MACROD2: variants seen among roughly 807,000 people sequenced by gnomAD.
MACROD2 encodes the protein mono-ADP ribosylhydrolase 2, also known as ADP-ribose glycohydrolase MACROD2.
MACROD2 carries 36 observed loss-of-function variants against 70.4 expected under a neutral mutation model. That is an observed-to-expected ratio of 0.51 (90% CI 0.39 to 0.68). MACROD2 has a LOEUF of 0.68. Among genes scored for constraint, MACROD2 ranks in the 30% least tolerant of loss-of-function variants. MACROD2 has a pLI of 0.00. For synonymous variants in MACROD2, 172 were observed against 178.8 expected (o/e 0.96, Z 0.30); for missense variants, 496 against 538.4 (o/e 0.92, Z 0.78).
At chr20:15,859,915 CA>C (rs977371970) in intron 8 of MACROD2, among the ~76,000 whole-genome samples, 40 of 152,208 alleles carry the variant, frequency 2.6e-4, no homozygotes, top group African/African-American at 8.7e-4. Flanking sequence ...GCAGGCAGAT[CA>C]CGAGGTCAGG....
At chr20:15,490,678 A>G (rs2047220861) in intron 7 of MACROD2, among the ~76,000 whole-genome samples, 1 of 152,166 alleles carries the variant, frequency 6.6e-6, no homozygotes. Context: ...TTTGAGAGAG[A>G]AAGTGGGACC....
At chr20:15,905,959 G>T (rs1354409435) in intron 10 of MACROD2, among the ~76,000 whole-genome samples, 2 of 152,196 alleles carry the variant, frequency 1.3e-5, no homozygotes, top group East Asian at 3.9e-4. Context: ...CCAGGGTACT[G>T]TATTCTCCGT....
At chr20:14,563,200 G>A (rs1443061742) in intron 4 of MACROD2, among the ~76,000 whole-genome samples, 1 of 151,734 alleles carries the variant, frequency 6.6e-6, no homozygotes, top group East Asian at 1.9e-4. Flanking sequence ...TGACTGACTG[G>A]CAGCATGAAG....
At chr20:15,894,206 G>A (rs1016347037) in intron 10 of MACROD2, among the ~76,000 whole-genome samples, 1 of 152,198 alleles carries the variant, frequency 6.6e-6, no homozygotes, top group South Asian at 2.1e-4. Context: ...TGAGTGCCGG[G>A]GCTTCCGGTG....
intron 5 of MACROD2, among the ~76,000 whole-genome samples, chr20:14,927,147 G>T (rs936385733): frequency 2.6e-5 from 4 of 152,032 alleles, no homozygotes; most frequent in African/African-American, 9.7e-5. Flanking sequence ...TGTGGATCCC[G>T]TACGTAAGTG....
chr20:15,039,658 A>AT (rs2123022701), intron 5 of MACROD2, among the ~76,000 whole-genome samples: 1 of 152,286 alleles, frequency 6.6e-6, no homozygotes, highest in African/African-American at 2.4e-5. Context: ...ATAGACAACT[A>AT]AACAGAAAGC....
intron 8 of MACROD2, among the ~76,000 whole-genome samples, chr20:15,587,616 G>C (rs578011346): frequency 1.3e-5 from 2 of 152,234 alleles, no homozygotes; most frequent in East Asian, 3.9e-4. Context: ...ACAGTTATTG[G>C]GTAAATACAG....
chr20:14,842,931 A>G (rs1308382799), intron 5 of MACROD2, among the ~76,000 whole-genome samples: 1 of 152,036 alleles, frequency 6.6e-6, no homozygotes, highest in Non-Finnish European at 1.5e-5. Flanking sequence ...CAGAGGGTGC[A>G]CTTTCATAGT....
chr20:14,087,311 G>T (rs934615071), intron 3 of MACROD2, among the ~76,000 whole-genome samples: 2 of 151,806 alleles, frequency 1.3e-5, no homozygotes, highest in African/African-American at 4.8e-5. Context: ...CAGGAGAATC[G>T]CTTGAACCTG....
chr20:15,034,678 TA>T (rs1347499508), intron 5 of MACROD2, among the ~76,000 whole-genome samples: 1 of 152,176 alleles, frequency 6.6e-6, no homozygotes, highest in Non-Finnish European at 1.5e-5. Context: ...TATTTTGAGT[TA>T]AAAAAATAAA....
chr20:14,511,791 G>C (rs2085033552), intron 4 of MACROD2, among the ~76,000 whole-genome samples: 1 of 151,920 alleles, frequency 6.6e-6, no homozygotes, highest in African/African-American at 2.4e-5. Context: ...CCTATTACAT[G>C]TGTGATTTAG....
At chr20:15,435,797 G>T (rs992323558) in intron 7 of MACROD2, among the ~76,000 whole-genome samples, 2 of 152,100 alleles carry the variant, frequency 1.3e-5, no homozygotes, top group African/African-American at 4.8e-5. Context: ...TATAATAACT[G>T]ATTCAGTACA....
At chr20:15,490,551 G>A (rs1285439318) in intron 7 of MACROD2, among the ~76,000 whole-genome samples, 11 of 151,982 alleles carry the variant, frequency 7.2e-5, no homozygotes, top group South Asian at 2.1e-4. Context: ...ATGAACCACC[G>A]CACCTGGCCT....
At chr20:14,227,876 A>G (rs572602061) in intron 3 of MACROD2, among the ~76,000 whole-genome samples, 2 of 152,334 alleles carry the variant, frequency 1.3e-5, no homozygotes, top group African/African-American at 4.8e-5. Context: ...TAGTTGTCAT[A>G]TCATTTTAGG....
chr20:15,759,306 A>G (rs901699834), intron 8 of MACROD2, among the ~76,000 whole-genome samples: 1 of 152,160 alleles, frequency 6.6e-6, no homozygotes, highest in Non-Finnish European at 1.5e-5. Context: ...AAAAGACAAT[A>G]TAGTACTTAT....
At chr20:15,478,093 C>A (rs2047046635) in intron 7 of MACROD2, among the ~76,000 whole-genome samples, 1 of 152,214 alleles carries the variant, frequency 6.6e-6, no homozygotes, top group African/African-American at 2.4e-5. Flanking sequence ...GAATATTGGC[C>A]TGCAGAACTG....
intron 8 of MACROD2, among the ~76,000 whole-genome samples, chr20:15,714,567 T>G (rs1033056711): frequency 3.3e-5 from 5 of 152,150 alleles, no homozygotes; most frequent in African/African-American, 4.8e-5. Context: ...GATATAGAGC[T>G]TTTAGGCTTG....
intron 6 of MACROD2, among the ~76,000 whole-genome samples, chr20:15,417,522 C>T (rs6079808): frequency 0.17 from 25,198 of 148,728 alleles, 2,617 homozygotes; most frequent in Non-Finnish European, 0.24. Context: ...TCACTTGAGT[C>T]CCAGCAGTCA....
At chr20:15,235,437 T>C (rs1041576727) in intron 6 of MACROD2, among the ~76,000 whole-genome samples, 1 of 152,192 alleles carries the variant, frequency 6.6e-6, no homozygotes, top group African/African-American at 2.4e-5. Context: ...CCCTCAGAGC[T>C]AACTGATGTT....
Sources: gnomAD v4.1 joint callset for allele counts (sites outside exome capture counted in the v4.1 genomes callset) on GRCh38, gnomAD v4.1.1 for gene constraint, MANE v1.5 for transcripts, NCBI Gene and HGNC (gene_info 2026-07-23, HGNC 2026-07-21) for gene names.